The following RELN variants were observed in gnomAD, a reference collection of about 807,000 sequenced individuals.
RELN encodes the protein reelin.
RELN carries 108 observed loss-of-function variants against 427.6 expected under a neutral mutation model. The observed-to-expected ratio is 0.25, with a 90% CI of 0.22 to 0.30. The LOEUF (loss-of-function observed/expected upper bound fraction) is 0.30, where lower values mean the gene tolerates loss of function less well. Ranked by LOEUF, RELN falls within the 10% of genes least tolerant of loss-of-function variation. The pLI, the probability that RELN is intolerant of heterozygous loss-of-function variation, is 1.00. For missense variants in RELN, 3,715 were observed against 4,302.8 expected (o/e 0.86, Z 3.82); for synonymous variants, 1,524 against 1,513.4 (o/e 1.01, Z -0.16).
chr7:103,841,158 TAA>T (rs1793542191), intron 2 of RELN, among the ~76,000 whole-genome samples: 2 of 152,216 alleles, frequency 1.3e-5, no homozygotes, highest in Admixed American at 6.5e-5. Context: ...CAAAGTTCTA[TAA>T]AGTTGACAAC....
In RELN at chr7:103,563,174, T is replaced by C. The variant is rs1452882556; in HGVS notation, c.5211-1221A>G. Among the ~76,000 whole-genome samples, 2 of 152,228 alleles carry C rather than the reference T, an allele frequency of 1.3e-5. No individual in the cohort carries two copies. The highest frequency in any genetic ancestry group is 2.4e-5 in the African/African-American group (1 of 41,454). On this transcript the variant is annotated intron_variant, in intron 34 of 64. Coordinates refer to ENST00000428762, the MANE Select transcript of RELN (RefSeq NM_005045.4). The surrounding 1 kb of genome is among the most constrained non-coding windows in gnomAD (Gnocchi z 4.1). Reference sequence around the variant, plus strand: ...GAGTACTTCCTCTGGTATCATCTTATAGCATAAACAGCTGCTTAGAGGTTT... The same window carrying C: ...GAGTACTTCCTCTGGTATCATCTTACAGCATAAACAGCTGCTTAGAGGTTT...
intron 1 of RELN, among the ~76,000 whole-genome samples, chr7:103,927,195 TC>T (rs1185638264): frequency 6.6e-6 from 1 of 152,212 alleles, no homozygotes; most frequent in African/African-American, 2.4e-5. Flanking sequence ...TGTGTATTGT[TC>T]CGCTTATTCA....
chr7:103,522,263 A>C, intron 47 of RELN, 64 bp from the exon 48 acceptor site: 36 of 1,515,496 alleles, frequency 2.4e-5, no homozygotes, highest in Non-Finnish European at 2.9e-5. Flanking sequence ...GCTTGTTCTC[A>C]AATTAGTGAA....
chr7:103,772,339 TG>T (rs1791590055), intron 4 of RELN, among the ~76,000 whole-genome samples: 1 of 152,136 alleles, frequency 6.6e-6, no homozygotes, highest in African/African-American at 2.4e-5. Context: ...AATGAATGAA[TG>T]AATGAATGCA....
chr7:103,698,036 T>C lies in RELN; in HGVS notation c.960A>G (p.Lys320=), dbSNP rs765882418. The C allele has an allele frequency of 6.2e-6, 10 of 1,613,790 alleles. No individual in the cohort carries two copies. The highest frequency in any genetic ancestry group is 8.5e-6 in the Non-Finnish European group (10 of 1,179,812). ...TCCACTGAAATTGGACATTCTCCCC[T>C]TTGGCGTCCTCAGGAAGGTAGAGGA... ...IHILYLPEDA[K]GENVQFQWKQ... is the part of the protein sequence containing the mutation. The change falls in exon 10 of 65, where the codon AAA becomes AAG. Residue 320 remains lysine, a synonymous_variant. Transcript: ENST00000428762.
intron 9 of RELN, among the ~76,000 whole-genome samples, chr7:103,698,743 G>A (rs1341439187): frequency 6.6e-6 from 1 of 151,904 alleles, no homozygotes; most frequent in Non-Finnish European, 1.5e-5. Flanking sequence ...TCAAACTCCT[G>A]GGCTCAAGTG....
chr7:103,944,035 T>G (rs1584389644), intron 1 of RELN, among the ~76,000 whole-genome samples: 2 of 151,880 alleles, frequency 1.3e-5, no homozygotes, highest in Non-Finnish European at 2.9e-5. Flanking sequence ...ATGGCTATAG[T>G]AGGACTGGAG....
chr7:103,796,482 A>T (rs963492709), intron 3 of RELN, among the ~76,000 whole-genome samples: 2 of 152,212 alleles, frequency 1.3e-5, no homozygotes, highest in Non-Finnish European at 1.5e-5. Flanking sequence ...TAGTGAGAAG[A>T]ATAGAAATAA....
chr7:103,820,639 C>T (rs902339794), intron 3 of RELN, among the ~76,000 whole-genome samples: 4 of 151,398 alleles, frequency 2.6e-5, no homozygotes, highest in East Asian at 1.9e-4. Context: ...CCATTCATAA[C>T]GTTAAATCAG....
intron 40 of RELN, among the ~76,000 whole-genome samples, chr7:103,551,599 A>T (rs1830411947): frequency 6.6e-6 from 1 of 152,160 alleles, no homozygotes; most frequent in African/African-American, 2.4e-5. Flanking sequence ...CCATTTTCCT[A>T]GCCAAGCCAA....
chr7:103,965,859 TTAAG>T (rs1343097435), intron 1 of RELN, among the ~76,000 whole-genome samples: 1 of 152,216 alleles, frequency 6.6e-6, no homozygotes, highest in Non-Finnish European at 1.5e-5. Context: ...ATTTATTTCA[TTAAG>T]TAAAAATTTA....
Position 103,776,579 on chromosome 7 carries a change from G to A in RELN, c.522C>T (p.Ala174=), listed in dbSNP as rs552312228. The change falls in exon 4 of 65, where the codon GCC becomes GCT. Residue 174 remains alanine, a synonymous_variant. Coordinates refer to ENST00000428762, the MANE Select transcript of RELN (RefSeq NM_005045.4). ...RGQVIFKDAL[A]QQLCEQGAPT... ...TACCTCCTTGTTCACACAACTGCTG[G>A]GCTAAAGCATCTTTGAAAATAACCT... 6.2e-7 allele frequency: 1 copy of A among 1,613,996 alleles called. No individual in the cohort carries two copies. Among genetic ancestry groups the A allele is most frequent in the East Asian group, 2.2e-5 (1 of 44,862 alleles).
intron 3 of RELN, among the ~76,000 whole-genome samples, chr7:103,823,139 T>G (rs1793050513): frequency 6.6e-6 from 1 of 152,070 alleles, no homozygotes; most frequent in Non-Finnish European, 1.5e-5. Context: ...TTGTCTGATA[T>G]TAATATAGTA....
chr7:103,609,424 T>C (rs362642), intron 22 of RELN, among the ~76,000 whole-genome samples: 87,834 of 151,950 alleles, frequency 0.58, 25,769 homozygotes, highest in East Asian at 0.71. Flanking sequence ...TTGACATATA[T>C]GCTTGGAATA....
intron 23 of RELN, 40 bp downstream of exon 23, chr7:103,604,306 T>G: frequency 5.6e-6 from 9 of 1,612,756 alleles, no homozygotes; most frequent in Non-Finnish European, 7.6e-6. Context: ...CCACAAATCT[T>G]GAGAAGCATG....
At position 103,565,475 on chromosome 7, in the gene RELN, G is replaced by A. The variant is rs758902738; in HGVS notation, c.5013C>T (p.Gly1671=). 1.9e-6 allele frequency: 3 copies of A among 1,613,734 alleles called. No individual in the cohort carries two copies. Among genetic ancestry groups the A allele is most frequent in the South Asian group, 2.2e-5 (2 of 91,050 alleles). ...STFLQFEMSM[G]CSKPFSNSHS... ...GGGAGTTGCTGAAGGGCTTGCTACA[G>A]CCCATGCTCATTTCAAACTGCAAAA... Residue 1671 remains glycine (G), a synonymous_variant, in exon 34 of 65, where the codon GGC becomes GGT. Coordinates refer to ENST00000428762, the MANE Select transcript of RELN (RefSeq NM_005045.4).
In RELN at chr7:103,893,045, A is replaced by T. The variant is rs17157084; in HGVS notation, c.337+24030T>A. ...TCAAGGGAGACCAAAAGGAATTCTC[A>T]GTACAGTCCAAGTTCATGGGTAGAG... On this transcript the variant is annotated intron_variant, in intron 2 of 64. Transcript: ENST00000428762. Among the ~76,000 whole-genome samples, 602 of 152,308 alleles carry T rather than the reference A, an allele frequency of 4.0e-3. 23 individuals carry two copies. In the East Asian group the frequency reaches 0.072, roughly 18 times the overall value.
intron 16 of RELN, among the ~76,000 whole-genome samples, chr7:103,644,137 T>TA (rs1402305845): frequency 6.6e-6 from 1 of 151,096 alleles, no homozygotes; most frequent in Non-Finnish European, 1.5e-5. Context: ...GAAAGTAAAT[T>TA]AAAAAAAATA....
chr7:103,583,084 G>A (rs906570102), intron 28 of RELN, among the ~76,000 whole-genome samples: 1 of 152,122 alleles, frequency 6.6e-6, no homozygotes, highest in South Asian at 2.1e-4. Flanking sequence ...TACAGGCTGT[G>A]GGGGGAAAGT....
Sources: gnomAD v4.1 joint callset for allele counts (sites outside exome capture counted in the v4.1 genomes callset) on GRCh38, gnomAD v4.1.1 for gene constraint, Gnocchi (gnomAD v3.1) non-coding constraint, MANE v1.5 for transcripts, NCBI Gene and HGNC (gene_info 2026-07-23, HGNC 2026-07-21) for gene names.